CIB2: variants seen among roughly 807,000 people sequenced by gnomAD.
CIB2 encodes calcium and integrin binding family member 2.
A neutral mutation model predicts 23.1 loss-of-function variants in CIB2; 19 were observed. The observed-to-expected ratio is 0.82, with a 90% CI of 0.57 to 1.21. The LOEUF is 1.21. CIB2 is among the 50% of genes most tolerant of loss of function. The pLI, the probability that CIB2 is intolerant of heterozygous loss-of-function variation, is 0.00. For synonymous variants in CIB2, 94 were observed against 91.7 expected (o/e 1.03, Z -0.14); for missense variants, 220 against 241.5 (o/e 0.91, Z 0.59).
chr15:78,112,393 C>T (rs2074174234), intron 2 of CIB2, among the ~76,000 whole-genome samples: 1 of 151,840 alleles, frequency 6.6e-6, no homozygotes, highest in Non-Finnish European at 1.5e-5. Flanking sequence ...ACAGCAAGAC[C>T]CTGTCTCTAC....
intron 2 of CIB2, among the ~76,000 whole-genome samples, chr15:78,121,073 C>T (rs1387778206): frequency 1.3e-5 from 2 of 152,156 alleles, no homozygotes; most frequent in Non-Finnish European, 2.9e-5. Flanking sequence ...GGGGGTGAAA[C>T]TGGAATTGAG....
rs61214041 is a variant in CIB2 at position 78,109,807 on chromosome 15, C to CAAAAA, written c.199-430_199-426dup. Among the ~76,000 whole-genome samples the CAAAAA allele has an allele frequency of 9.1e-3, 794 of 86,958 alleles. 13 individuals are homozygous for CAAAAA. Among genetic ancestry groups the CAAAAA allele is most frequent in the African/African-American group, 0.026 (549 of 21,016 alleles). 57.0% of individuals were successfully genotyped at this position (86,958 alleles called of 152,430 possible). A position where few individuals can be genotyped will look rare whatever the true frequency, so the allele number is the denominator to read the frequency against. The stretch of plus-strand genomic sequence containing the variant: ...GGGCGACAGAGCAAGACCATGTCTC[C>CAAAAA]AAAAAAAAAAAAAAAAAAAAATGCT... On this transcript the variant is annotated intron_variant, in intron 3 of 5. Coordinates refer to ENST00000258930, the MANE Select transcript of CIB2 (RefSeq NM_006383.4).
Position 78,111,172 on chromosome 15 carries a change from T to C in CIB2, c.191A>G (p.Glu64Gly). 2 of 1,613,956 alleles carry C rather than the reference T, an allele frequency of 1.2e-6. No homozygotes were observed. The highest frequency in any genetic ancestry group is 1.7e-6 in the Non-Finnish European group (2 of 1,179,872). ...VPMSLIIQMP[E>G]LRENPFKERI... ...AAGAGGTCCTGCACATACCCGGAGC[T>C]CTGGCATCTGGATGATGAGGCTCAT... Residue 64 changes from glutamate (E) to glycine (G), a missense_variant, in exon 3 of 6, where the codon GAG becomes GGG. Transcript: ENST00000258930.
chr15:78,105,203 TA>T lies in CIB2; in HGVS notation c.*107del. ...AGGGCCACAGGATATATTTGTGGTG[TA>T]AACCCCAGAGGCTGCCACTGCTTTC... On this transcript the variant is annotated 3_prime_UTR_variant, in exon 6 of 6. Coordinates refer to ENST00000258930, the MANE Select transcript of CIB2 (RefSeq NM_006383.4). The T allele has an allele frequency of 6.8e-7, 1 of 1,463,690 alleles. No homozygotes were observed. 90.7% of individuals were successfully genotyped at this position (1,463,690 alleles called of 1,614,324 possible).
At chr15:78,114,785 A>T (rs533396717) in intron 2 of CIB2, among the ~76,000 whole-genome samples, 1 of 152,088 alleles carries the variant, frequency 6.6e-6, no homozygotes, top group South Asian at 2.1e-4. Flanking sequence ...CAAAAAAAAA[A>T]AAAAAATTAA....
At chr15:78,108,259 A>G (rs1328563306) in intron 4 of CIB2, among the ~76,000 whole-genome samples, 1 of 151,560 alleles carries the variant, frequency 6.6e-6, no homozygotes, top group Admixed American at 6.6e-5. Flanking sequence ...TCAGCCCCTG[A>G]TAGGCCCTGC....
At position 78,104,938 on chromosome 15, in the gene CIB2, C is replaced by CCAGGGTGTCTGCCA. The variant is rs2074042068; in HGVS notation, c.*359_*372dup. The CCAGGGTGTCTGCCA allele has an allele frequency of 3.9e-6, 1 of 259,740 alleles. No individual in the cohort carries two copies. Among genetic ancestry groups the CCAGGGTGTCTGCCA allele is most frequent in the Non-Finnish European group, 7.6e-6 (1 of 131,516 alleles). 16.1% of individuals were successfully genotyped at this position (259,740 alleles called of 1,614,324 possible). A position where few individuals can be genotyped will look rare whatever the true frequency, so the allele number is the denominator to read the frequency against. ...TTTTTTTCCGCTCTGTCCTGGGTGA[C>CCAGGGTGTCTGCCA]CAGGGTGTCTGCCAGCACTTGGACA... is the stretch of plus-strand genomic sequence containing the variant. On this transcript the variant is annotated 3_prime_UTR_variant, in exon 6 of 6. Coordinates refer to ENST00000258930, the MANE Select transcript of CIB2 (RefSeq NM_006383.4). The surrounding 1 kb of genome is among the most constrained non-coding windows in gnomAD (Gnocchi z 4.4).
At position 78,105,462 on chromosome 15, in the gene CIB2, G is replaced by A. The variant is rs1160577412; in HGVS notation, c.543-130C>T. On this transcript the variant is annotated intron_variant, in intron 5 of 5. Coordinates refer to ENST00000258930, the MANE Select transcript of CIB2 (RefSeq NM_006383.4). ...CCTCATTAGGGAACCCTGCATAGTG[G>A]ATGCAGGTAATCAACACTGGGGGAA... The A allele has an allele frequency of 1.9e-5, 30 of 1,547,736 alleles. No homozygotes were observed. In the East Asian group the frequency reaches 4.6e-4, roughly 24 times the overall value.
chr15:78,121,281 C>T (rs1245073683), intron 2 of CIB2, among the ~76,000 whole-genome samples: 1 of 152,200 alleles, frequency 6.6e-6, no homozygotes, highest in Non-Finnish European at 1.5e-5. Context: ...CATCCCCATG[C>T]TGCAGACGGG....
intron 1 of CIB2, among the ~76,000 whole-genome samples, chr15:78,124,528 A>G (rs1311833111): frequency 2.0e-5 from 3 of 152,122 alleles, no homozygotes. Flanking sequence ...GCCCAAGGTG[A>G]GTATCAACCA....
intron 5 of CIB2, 128 bp downstream of exon 5, chr15:78,105,611 G>A: frequency 1.3e-6 from 2 of 1,552,072 alleles, no homozygotes; most frequent in Non-Finnish European, 1.7e-6. Context: ...AGGGTGGCTT[G>A]AACGTGACCT....
chr15:78,129,422 C>A lies in CIB2; in HGVS notation c.51+1743G>T, dbSNP rs1489805388. Among the ~76,000 whole-genome samples, 3 of 152,176 alleles carry A rather than the reference C, an allele frequency of 2.0e-5. No individual in the cohort carries two copies. The East Asian group carries it at 5.8e-4, about 29-fold the overall frequency. ...GGCTCCCCACCCCCATGAAGCTACT[C>A]CTCACTTCTGAGCATGGCTTGCCTG... On this transcript the variant is annotated intron_variant, in intron 1 of 5. Coordinates refer to ENST00000258930, the MANE Select transcript of CIB2 (RefSeq NM_006383.4).
intron 3 of CIB2, 35 bp downstream of exon 3, chr15:78,111,130 A>G: frequency 6.3e-7 from 1 of 1,583,638 alleles, no homozygotes. Flanking sequence ...AGAGGCACAG[A>G]TCCCCTGCTC....
chr15:78,129,064 C>T (rs913699934), intron 1 of CIB2, among the ~76,000 whole-genome samples: 1 of 152,108 alleles, frequency 6.6e-6, no homozygotes, highest in Non-Finnish European at 1.5e-5. Context: ...TGGACAGAAG[C>T]TTAAATGTTG....
chr15:78,126,808 T>A (rs2074387287), intron 1 of CIB2, among the ~76,000 whole-genome samples: 1 of 152,244 alleles, frequency 6.6e-6, no homozygotes, highest in South Asian at 2.1e-4. Flanking sequence ...ATGAACCTGC[T>A]CATCAACTGA....
intron 3 of CIB2, among the ~76,000 whole-genome samples, chr15:78,110,159 G>C (rs2074134526): frequency 1.3e-5 from 2 of 152,246 alleles, no homozygotes; most frequent in South Asian, 2.1e-4. Flanking sequence ...GCCTCTCCCA[G>C]GGAGCTGTAC....
At chr15:78,124,471 G>T (rs2074357983) in intron 1 of CIB2, among the ~76,000 whole-genome samples, 1 of 152,054 alleles carries the variant, frequency 6.6e-6, no homozygotes, top group Non-Finnish European at 1.5e-5. Flanking sequence ...ATCTCGGAGG[G>T]GTCCTGTCTT....
chr15:78,128,702 A>C (rs1452007517), intron 1 of CIB2, among the ~76,000 whole-genome samples: 1 of 151,910 alleles, frequency 6.6e-6, no homozygotes, highest in Non-Finnish European at 1.5e-5. Context: ...CTCAAAAAAA[A>C]AAAAAAGGAA....
chr15:78,114,106 C>T (rs1184011391), intron 2 of CIB2, among the ~76,000 whole-genome samples: 19 of 152,148 alleles, frequency 1.2e-4, no homozygotes. Context: ...TGTTCTCACC[C>T]CTGGATGTTC....
Sources: gnomAD v4.1 joint callset for allele counts (sites outside exome capture counted in the v4.1 genomes callset) on GRCh38, gnomAD v4.1.1 for gene constraint, Gnocchi (gnomAD v3.1) non-coding constraint, MANE v1.5 for transcripts, NCBI Gene and HGNC (gene_info 2026-07-23, HGNC 2026-07-21) for gene names.